The following RIMS2 variants were observed in gnomAD, a reference collection of about 807,000 sequenced individuals.
The protein encoded by RIMS2 is regulating synaptic membrane exocytosis 2, also known as regulating synaptic membrane exocytosis protein 2.
A neutral mutation model predicts 174.4 loss-of-function variants in RIMS2; 59 were observed. The ratio of observed to expected loss-of-function variants is 0.34; its 90% CI spans 0.27 to 0.42. The LOEUF is 0.42. Among genes scored for constraint, RIMS2 ranks in the 10% least tolerant of loss-of-function variants. RIMS2 has a pLI of 1.00. For synonymous variants in RIMS2, 606 were observed against 572.5 expected (o/e 1.06, Z -0.84); for missense variants, 1,620 against 1,666.3 (o/e 0.97, Z 0.48).
At chr8:104,091,885 C>T (rs1009325444) in intron 19 of RIMS2, among the ~76,000 whole-genome samples, 1 of 151,234 alleles carries the variant, frequency 6.6e-6, no homozygotes, top group Non-Finnish European at 1.5e-5. Context: ...TAGATATTTC[C>T]TGGGAAAAGG....
At chr8:103,902,652 C>T (rs984086467) in intron 4 of RIMS2, among the ~76,000 whole-genome samples, 1 of 152,094 alleles carries the variant, frequency 6.6e-6, no homozygotes, top group African/African-American at 2.4e-5. Context: ...GTTTTAGTGA[C>T]TATCTTATGA....
chr8:103,571,169 A>G (rs890264611), intron 1 of RIMS2, among the ~76,000 whole-genome samples: 2 of 152,236 alleles, frequency 1.3e-5, no homozygotes, highest in Non-Finnish European at 2.9e-5. Context: ...ATGCTCTAGT[A>G]TTGTGTTTGG....
intron 3 of RIMS2, among the ~76,000 whole-genome samples, chr8:103,788,655 G>A (rs1264022407): frequency 1.3e-5 from 2 of 151,954 alleles, no homozygotes; most frequent in African/African-American, 4.8e-5. Context: ...CGTGCTGGGA[G>A]AACCACTGCT....
intron 1 of RIMS2, among the ~76,000 whole-genome samples, chr8:103,602,946 T>C (rs2094831496): frequency 6.6e-6 from 1 of 152,216 alleles, no homozygotes; most frequent in African/African-American, 2.4e-5. Context: ...GTGTTTCCTT[T>C]TCTTAGCAGC....
chr8:103,802,845 A>C (rs1435156635), intron 3 of RIMS2, among the ~76,000 whole-genome samples: 1 of 152,204 alleles, frequency 6.6e-6, no homozygotes, highest in Non-Finnish European at 1.5e-5. Context: ...TACAAGGTCT[A>C]GTCACCTCGA....
intron 19 of RIMS2, among the ~76,000 whole-genome samples, chr8:104,166,152 C>CT (rs1235462499): frequency 2.0e-5 from 3 of 150,534 alleles, no homozygotes; most frequent in African/African-American, 7.3e-5. Flanking sequence ...CTGCAAGCTC[C>CT]GCCTCCCGGG....
intron 19 of RIMS2, among the ~76,000 whole-genome samples, chr8:104,214,901 A>G (rs1159318586): frequency 2.0e-5 from 3 of 152,190 alleles, no homozygotes; most frequent in Non-Finnish European, 4.4e-5. Flanking sequence ...CTTATACCCA[A>G]TCTAGGTGAT....
chr8:103,755,933 C>G (rs1052895776), intron 2 of RIMS2, among the ~76,000 whole-genome samples: 4 of 152,144 alleles, frequency 2.6e-5, no homozygotes, highest in African/African-American at 9.7e-5. Context: ...TCTGTCAACT[C>G]ATCAAAGTCA....
chr8:103,783,695 C>T (rs1387944119), intron 3 of RIMS2, among the ~76,000 whole-genome samples: 2 of 151,776 alleles, frequency 1.3e-5, no homozygotes, highest in Non-Finnish European at 2.9e-5. Context: ...GGTTCCAAGT[C>T]TTTGCTATTG....
At chr8:104,053,248 T>C (rs1018767482) in intron 19 of RIMS2, among the ~76,000 whole-genome samples, 1 of 152,182 alleles carries the variant, frequency 6.6e-6, no homozygotes, top group Admixed American at 6.5e-5. Context: ...ATATTGGAGA[T>C]ATAGTAAGAA....
At chr8:103,976,799 G>T (rs1485315078) in intron 16 of RIMS2, 3 of 152,020 alleles carry the variant, frequency 2.0e-5, no homozygotes, top group African/African-American at 7.3e-5. Context: ...GCCCACCTTG[G>T]CCTCCCAAAG....
intron 1 of RIMS2, among the ~76,000 whole-genome samples, chr8:103,669,992 G>A (rs2096724988): frequency 2.0e-5 from 3 of 152,226 alleles, no homozygotes; most frequent in Admixed American, 2.0e-4. Flanking sequence ...CACTGCCATA[G>A]TAGAGGTTCT....
intron 1 of RIMS2, among the ~76,000 whole-genome samples, chr8:103,597,432 A>G (rs1393394418): frequency 6.6e-6 from 1 of 152,076 alleles, no homozygotes; most frequent in East Asian, 1.9e-4. Flanking sequence ...CTCTGGCTCC[A>G]TTTAGCCTCC....
At chr8:103,664,461 G>C (rs1464788369) in intron 1 of RIMS2, among the ~76,000 whole-genome samples, 1 of 152,092 alleles carries the variant, frequency 6.6e-6, no homozygotes, top group Non-Finnish European at 1.5e-5. Context: ...TCAAAAAGTG[G>C]ATGAAGGATA....
intron 19 of RIMS2, among the ~76,000 whole-genome samples, chr8:104,237,658 A>G (rs1006260575): frequency 6.6e-6 from 1 of 152,160 alleles, no homozygotes; most frequent in Non-Finnish European, 1.5e-5. Flanking sequence ...AGTTGTGACA[A>G]AGCTTTTGGA....
chr8:104,048,325 GA>G (rs1418164291), intron 19 of RIMS2, among the ~76,000 whole-genome samples: 1 of 152,054 alleles, frequency 6.6e-6, no homozygotes, highest in African/African-American at 2.4e-5. Context: ...GTAAATATAT[GA>G]AAACATTTTA....
Position 103,885,902 on chromosome 8 carries a change from A to G in RIMS2, c.1303A>G (p.Thr435Ala), listed in dbSNP as rs768291679. Residue 435 changes from threonine to alanine, a missense_variant, in exon 4 of 24, where the codon ACC becomes GCC. Transcript: ENST00000504942. ...AAGGACCACAAACCATAGTCCTCCT[A>G]CCCCCAGGAGGAGTCCACTACCCAT... 21 of 1,612,252 alleles carry G rather than the reference A, an allele frequency of 1.3e-5. No individual in the cohort carries two copies. In the East Asian group the frequency reaches 3.1e-4, roughly 24 times the overall value.
intron 3 of RIMS2, chr8:103,768,928 A>C: frequency 2.2e-6 from 1 of 445,312 alleles, no homozygotes. Context: ...GGCCAAGAGA[A>C]TGAAGGAGGC....
intron 3 of RIMS2, among the ~76,000 whole-genome samples, chr8:103,775,425 C>T (rs1428529778): frequency 1.3e-5 from 2 of 152,044 alleles, no homozygotes; most frequent in Non-Finnish European, 2.9e-5. Context: ...AACCTGGAAG[C>T]AAATGATCTC....
Sources: gnomAD v4.1 joint callset for allele counts (sites outside exome capture counted in the v4.1 genomes callset) on GRCh38, gnomAD v4.1.1 for gene constraint, MANE v1.5 for transcripts, NCBI Gene and HGNC (gene_info 2026-07-23, HGNC 2026-07-21) for gene names.